ZNF462: variants seen among roughly 807,000 people sequenced by gnomAD.
The protein encoded by ZNF462 is zinc finger protein 462, also known as zinc finger PBX1-interacting protein.
A neutral mutation model predicts 201.9 loss-of-function variants in ZNF462; 10 were observed. The observed-to-expected ratio is 0.05, with a 90% CI of 0.03 to 0.08. ZNF462 has a LOEUF of 0.08. Ranked by LOEUF, ZNF462 falls within the 10% of genes least tolerant of loss-of-function variation. ZNF462 has a pLI of 1.00. For missense variants in ZNF462, 2,523 were observed against 3,168.3 expected (o/e 0.80, Z 4.89); for synonymous variants, 1,227 against 1,193.3 (o/e 1.03, Z -0.58).
At chr9:106,980,392 A>G (rs1827329333) in intron 9 of ZNF462, among the ~76,000 whole-genome samples, 1 of 152,180 alleles carries the variant, frequency 6.6e-6, no homozygotes, top group Non-Finnish European at 1.5e-5. Flanking sequence ...AGAACTTCCA[A>G]TCTCATTGCT....
intron 9 of ZNF462, among the ~76,000 whole-genome samples, chr9:106,983,653 T>C (rs1284377648): frequency 6.6e-6 from 1 of 152,238 alleles, no homozygotes; most frequent in Non-Finnish European, 1.5e-5. Context: ...TTAAAGACTC[T>C]GTTGCCCATT....
At chr9:106,864,298 G>C (rs1051842922) in intron 1 of ZNF462, among the ~76,000 whole-genome samples, 2 of 151,806 alleles carry the variant, frequency 1.3e-5, no homozygotes, top group Admixed American at 6.6e-5. Flanking sequence ...TGGTGGAGGA[G>C]GACAACGGTT....
chr9:106,921,120 A>G (rs1207983349), intron 1 of ZNF462, among the ~76,000 whole-genome samples: 3 of 152,044 alleles, frequency 2.0e-5, no homozygotes, highest in Admixed American at 6.6e-5. Flanking sequence ...GTCGGATGGT[A>G]TGTCTTCTGT....
intron 7 of ZNF462, among the ~76,000 whole-genome samples, chr9:106,967,486 T>C (rs1263766425): frequency 2.0e-5 from 3 of 152,016 alleles, no homozygotes; most frequent in Non-Finnish European, 4.4e-5. Context: ...CAAACTGTTA[T>C]TCTAGAGAGC....
At position 106,928,284 on chromosome 9, in the gene ZNF462, C is replaced by G. The variant is rs1269491179; in HGVS notation, c.4372C>G (p.Leu1458Val). 7 of 1,613,862 alleles carry G rather than the reference C, an allele frequency of 4.3e-6. No homozygotes were observed. In the South Asian group the frequency reaches 7.7e-5, roughly 18 times the overall value. Reference sequence around the variant, plus strand: ...ACTGTCCCCTGAGAAAAGCCTGCAGCTAGCTTCAGCCAACCCCGCCATATC... The same window carrying G: ...ACTGTCCCCTGAGAAAAGCCTGCAGGTAGCTTCAGCCAACCCCGCCATATC... Reference protein sequence around the residue: ...ARLSPEKSLQLASANPAISST... With the variant: ...ARLSPEKSLQVASANPAISST... Residue 1458 changes from leucine (L) to valine (V), a missense_variant, in exon 3 of 13, where the codon CTA becomes GTA. Physicochemically the swap from Leu to Val is conservative, Grantham distance 32. Around this residue, in one of 15 missense-constraint regions of ZNF462, gnomAD observed 165 missense variants for 142.6 expected, o/e 1.16. Transcript: ENST00000277225. This position sits in a 1 kb window ranked among gnomAD's most constrained non-coding sequence, Gnocchi z 9.3.
rs146983621 is a variant in ZNF462 at position 106,937,323 on chromosome 9, A to G, written c.6236-1593A>G. ...CTTAATTACAGAACTTGGATGCTAT[A>G]CTCACTTCACATGTGAACCCATTTA... is the stretch of plus-strand genomic sequence containing the variant. On this transcript the variant is annotated intron_variant, in intron 6 of 12. Transcript: ENST00000277225. Among the ~76,000 whole-genome samples the G allele has an allele frequency of 3.4e-3, 512 of 152,236 alleles. 6 individuals carry two copies. Among genetic ancestry groups the G allele is most frequent in the African/African-American group, 0.012 (498 of 41,534 alleles).
intron 1 of ZNF462, among the ~76,000 whole-genome samples, chr9:106,921,947 G>A (rs1480045122): frequency 6.6e-6 from 1 of 152,186 alleles, no homozygotes; most frequent in Non-Finnish European, 1.5e-5. Flanking sequence ...AGAAGAGGAG[G>A]TAAATATCTG....
intron 10 of ZNF462, among the ~76,000 whole-genome samples, chr9:107,001,550 A>G (rs1345416601): frequency 6.6e-6 from 1 of 152,174 alleles, no homozygotes; most frequent in East Asian, 1.9e-4. Flanking sequence ...GACTTCAAAG[A>G]GCATTTTCTT....
chr9:106,930,965 G>T lies in ZNF462; in HGVS notation c.6012+276G>T. 6.1e-6 allele frequency: 2 copies of T among 328,180 alleles called. No individual in the cohort carries two copies. The highest frequency in any genetic ancestry group is 5.8e-6 in the Non-Finnish European group (1 of 171,660). The allele number at this position is 328,180 out of a possible 1,614,324, so 20.3% of individuals were successfully genotyped here. A position where few individuals can be genotyped will look rare whatever the true frequency, so the allele number is the denominator to read the frequency against. ...TTCTCGGTCTAGGAGGCTTCGGGTC[G>T]TCCTTCTATTCTGCGTTTAGTGCCA... is the stretch of plus-strand genomic sequence containing the variant. On this transcript the variant is annotated intron_variant, in intron 4 of 12. Transcript: ENST00000277225. The surrounding 1 kb of genome is among the most constrained non-coding windows in gnomAD (Gnocchi z 5.8).
chr9:106,877,890 T>A (rs1368425412), intron 1 of ZNF462, among the ~76,000 whole-genome samples: 9 of 152,160 alleles, frequency 5.9e-5, no homozygotes, highest in Admixed American at 2.0e-4. Flanking sequence ...CAGTGGTTAT[T>A]AGTACAGAAT....
chr9:106,903,620 T>C (rs542846093), intron 1 of ZNF462, among the ~76,000 whole-genome samples: 1 of 152,328 alleles, frequency 6.6e-6, no homozygotes, highest in African/African-American at 2.4e-5. Context: ...TAGGTGCATA[T>C]ATGTTCACAA....
Position 106,935,728 on chromosome 9 carries a change from A to T in ZNF462, c.6235+107A>T. On this transcript the variant is annotated intron_variant, in intron 6 of 12. Coordinates refer to ENST00000277225, the MANE Select transcript of ZNF462 (RefSeq NM_021224.6). This position sits in a 1 kb window ranked among gnomAD's most constrained non-coding sequence, Gnocchi z 4.1. Reference sequence around the variant, plus strand: ...GTCCTGCCTTACACTTGAGAATGTTATTCTTGGGATGGATGTATATTCAGT... The same window carrying T: ...GTCCTGCCTTACACTTGAGAATGTTTTTCTTGGGATGGATGTATATTCAGT... 1 of 802,636 alleles carries T rather than the reference A, an allele frequency of 1.2e-6. No homozygotes were observed. The highest frequency in any genetic ancestry group is 2.0e-6 in the Non-Finnish European group (1 of 510,130). 49.7% of individuals were successfully genotyped at this position (802,636 alleles called of 1,614,324 possible).
rs1829807470 is a variant in ZNF462 at position 107,009,686 on chromosome 9, A to G, written c.7313+18A>G. On this transcript the variant is annotated intron_variant, in intron 12 of 12. Transcript: ENST00000277225. The surrounding 1 kb of genome is among the most constrained non-coding windows in gnomAD (Gnocchi z 6.1). ...CACGGCATGTAAGTTGGGCCACTTC[A>G]AGGATGCCTTTGTCCAAAGCAAGAG... 3 of 1,608,566 alleles carry G rather than the reference A, an allele frequency of 1.9e-6. No homozygotes were observed.
rs1291520564 is a variant in ZNF462 at position 106,872,968 on chromosome 9, T to TAA, written c.-31+9615_-31+9616dup. ...TAGAGGAAACTGAGGTTTAGGGAGGTAAAGTAATTTAGCCAAAGTCATGAG... is the reference window on the plus strand; with the variant it reads ...TAGAGGAAACTGAGGTTTAGGGAGGTAAAAAGTAATTTAGCCAAAGTCATGAG... On this transcript the variant is annotated intron_variant, in intron 1 of 12. Coordinates refer to ENST00000277225, the MANE Select transcript of ZNF462 (RefSeq NM_021224.6). This position sits in a 1 kb window ranked among gnomAD's most constrained non-coding sequence, Gnocchi z 4.5. Among the ~76,000 whole-genome samples the TAA allele has an allele frequency of 6.6e-6, 1 of 152,048 alleles. No individual in the cohort carries two copies. Among genetic ancestry groups the TAA allele is most frequent in the South Asian group, 2.1e-4 (1 of 4,826 alleles).
At chr9:106,994,722 C>T (rs1306499010) in intron 10 of ZNF462, among the ~76,000 whole-genome samples, 1 of 152,068 alleles carries the variant, frequency 6.6e-6, no homozygotes, top group Non-Finnish European at 1.5e-5. Context: ...GAGGTGTGAC[C>T]GTTTTTCAGA....
At chr9:106,866,397 A>C (rs1193073284) in intron 1 of ZNF462, among the ~76,000 whole-genome samples, 1 of 152,220 alleles carries the variant, frequency 6.6e-6, no homozygotes. Context: ...ACATTTTTCA[A>C]ACCAAACTGT....
chr9:106,988,281 G>A (rs567991545), intron 10 of ZNF462, among the ~76,000 whole-genome samples: 34 of 152,190 alleles, frequency 2.2e-4, no homozygotes, highest in Admixed American at 2.6e-4. Context: ...GAAGGAGGAA[G>A]ACACAAAAGC....
chr9:106,888,292 C>T (rs985304008), intron 1 of ZNF462, among the ~76,000 whole-genome samples: 1 of 152,150 alleles, frequency 6.6e-6, no homozygotes, highest in Non-Finnish European at 1.5e-5. Flanking sequence ...CCGCCCACCT[C>T]GGCCTCCCAA....
rs568662393 is a variant in ZNF462 at position 106,880,131 on chromosome 9, A to T, written c.-31+16776A>T. On this transcript the variant is annotated intron_variant, in intron 1 of 12. Transcript: ENST00000277225. This position sits in a 1 kb window ranked among gnomAD's most constrained non-coding sequence, Gnocchi z 4.1. The stretch of plus-strand genomic sequence containing the variant: ...AACAGAGTTGCTCGTAACCACCAAG[A>T]GCCCTCTCAATTTCTGCCGCCCGCT... Among the ~76,000 whole-genome samples the T allele has an allele frequency of 2.6e-5, 4 of 152,088 alleles. No homozygotes were observed. Among genetic ancestry groups the T allele is most frequent in the Non-Finnish European group, 5.9e-5 (4 of 68,002 alleles).
Sources: gnomAD v4.1 joint callset for allele counts (sites outside exome capture counted in the v4.1 genomes callset) on GRCh38, gnomAD v4.1.1 for gene constraint, gnomAD v4.1.1 regional missense constraint, Gnocchi (gnomAD v3.1) non-coding constraint, MANE v1.5 for transcripts, NCBI Gene and HGNC (gene_info 2026-07-23, HGNC 2026-07-21) for gene names.